Variants in SLC37A1 observed in about 807,000 individuals in gnomAD.
SLC37A1 encodes the protein glucose-6-phosphate exchanger SLC37A1.
A neutral mutation model predicts 75.3 loss-of-function variants in SLC37A1; 49 were observed. That is an observed-to-expected ratio of 0.65 (90% CI 0.52 to 0.83). The LOEUF is 0.83. Among genes scored for constraint, SLC37A1 ranks in the 40% least tolerant of loss-of-function variants. The pLI is 0.00. For missense variants in SLC37A1, 566 were observed against 695.0 expected (o/e 0.81, Z 2.09); for synonymous variants, 268 against 292.1 (o/e 0.92, Z 0.84).
chr21:42,532,848 C>T (rs2055025132), intron 3 of SLC37A1, among the ~76,000 whole-genome samples: 1 of 152,194 alleles, frequency 6.6e-6, no homozygotes, highest in Non-Finnish European at 1.5e-5. Flanking sequence ...AGCTGCTGGG[C>T]AGATGATGAC....
Position 42,563,990 on chromosome 21 carries a change from G to A in SLC37A1, c.1135+113G>A, listed in dbSNP as rs543673922. On this transcript the variant is annotated intron_variant, in intron 13 of 19. Coordinates refer to ENST00000352133, the MANE Select transcript of SLC37A1 (RefSeq NM_001320537.2). ...TTCCCCAAGGTCTCATATCCCCTGA[G>A]TGGGCCCAGCCCAAGAGGGTCAGGC... 49 of 1,238,078 alleles carry A rather than the reference G, an allele frequency of 4.0e-5. No individual in the cohort carries two copies. In the South Asian group the frequency reaches 5.9e-4, roughly 15 times the overall value. 76.7% of individuals were successfully genotyped at this position (1,238,078 alleles called of 1,614,324 possible).
intron 17 of SLC37A1, among the ~76,000 whole-genome samples, chr21:42,569,423 G>A (rs1331111513): frequency 1.3e-5 from 2 of 152,182 alleles, no homozygotes; most frequent in East Asian, 3.9e-4. Flanking sequence ...GGCCAGGCTG[G>A]CCCCCGTGCG....
At position 42,580,655 on chromosome 21, in the gene SLC37A1, G is replaced by C. The variant is rs2056406133; in HGVS notation, c.*295G>C. ...CGTGTGCCCATGCAGCCACCCAAAT[G>C]CACGCGTGACAACAAGGCCGGGAGG... On this transcript the variant is annotated 3_prime_UTR_variant, in exon 20 of 20. Coordinates refer to ENST00000352133, the MANE Select transcript of SLC37A1 (RefSeq NM_001320537.2). The C allele has an allele frequency of 3.9e-6, 1 of 256,990 alleles. No homozygotes were observed. Among genetic ancestry groups the C allele is most frequent in the South Asian group, 3.6e-5 (1 of 27,546 alleles). The allele number at this position is 256,990 out of a possible 1,614,324, so 15.9% of individuals were successfully genotyped here.
chr21:42,575,521 A>C (rs1601787551), intron 18 of SLC37A1: 1 of 985,380 alleles, frequency 1.0e-6, no homozygotes. Context: ...TGTGTTGAGA[A>C]AGTTTGAGGT....
chr21:42,565,515 A>G (rs1409607625), intron 14 of SLC37A1, among the ~76,000 whole-genome samples: 1 of 152,198 alleles, frequency 6.6e-6, no homozygotes, highest in Non-Finnish European at 1.5e-5. Flanking sequence ...CTCGCAAATC[A>G]GGAGCTCAAG....
At chr21:42,534,621 G>A (rs917546810) in intron 3 of SLC37A1, 77 bp from the exon 4 acceptor site, 223 of 1,518,806 alleles carry the variant, frequency 1.5e-4, no homozygotes, top group Non-Finnish European at 1.9e-4. Context: ...AGGGGTGACT[G>A]TTCCTCTCTG....
intron 2 of SLC37A1, among the ~76,000 whole-genome samples, chr21:42,503,950 G>A (rs951199049): frequency 5.9e-5 from 9 of 152,156 alleles, no homozygotes; most frequent in Non-Finnish European, 8.8e-5. Flanking sequence ...AACCACATCC[G>A]GGTGGTACTA....
Position 42,574,707 on chromosome 21 carries a change from T to C in SLC37A1, c.1424-111T>C, listed in dbSNP as rs143064484. 6.1e-4 allele frequency: 590 copies of C among 974,078 alleles called. 1 individual carries two copies. The highest frequency in any genetic ancestry group is 8.6e-4 in the Non-Finnish European group (553 of 643,184). The allele number at this position is 974,078 out of a possible 1,614,324, so 60.3% of individuals were successfully genotyped here. ...CAGGATGAGGTAGTGTAGTTCCATA[T>C]GTGTTCCTTTCATTGTGAGTGAGGT... On this transcript the variant is annotated intron_variant, in intron 17 of 19. Coordinates refer to ENST00000352133, the MANE Select transcript of SLC37A1 (RefSeq NM_001320537.2).
At chr21:42,506,394 T>C (rs1247676350) in intron 2 of SLC37A1, among the ~76,000 whole-genome samples, 1 of 152,234 alleles carries the variant, frequency 6.6e-6, no homozygotes, top group African/African-American at 2.4e-5. Context: ...CAGCTCCTGA[T>C]ATGAATCCTA....
At chr21:42,530,654 A>ACACACACATACCCCCC (rs1161313598) in intron 3 of SLC37A1, among the ~76,000 whole-genome samples, 1 of 35,880 alleles carries the variant, frequency 2.8e-5, no homozygotes, top group Non-Finnish European at 5.2e-5. Context: ...ACACACACAC[A>ACACACACATACCCCCC]CCCCCTCTGT....
In SLC37A1 at chr21:42,564,697, C is replaced by G. The variant is rs376836158; in HGVS notation, c.1136-11C>G. 3.7e-5 allele frequency: 60 copies of G among 1,609,896 alleles called. No homozygotes were observed. Among genetic ancestry groups the G allele is most frequent in the Non-Finnish European group, 5.0e-5 (59 of 1,179,036 alleles). On this transcript the variant is annotated splice_polypyrimidine_tract_variant and intron_variant, in intron 13 of 19. Transcript: ENST00000352133. ...GGACGTCAGTGCCTGAAGCCCGCCT[C>G]TCCGTTGCAGGTGGGATCCTGGCAG...
At chr21:42,501,262 A>G (rs1482225986) in intron 1 of SLC37A1, among the ~76,000 whole-genome samples, 1 of 152,204 alleles carries the variant, frequency 6.6e-6, no homozygotes. Flanking sequence ...TTTATTCTTA[A>G]ATCACACTCC....
chr21:42,580,133 C>T (rs971094184), intron 19 of SLC37A1, among the ~76,000 whole-genome samples: 3 of 151,974 alleles, frequency 2.0e-5, no homozygotes, highest in Admixed American at 2.0e-4. Context: ...TCCTCCCTCG[C>T]TCCCTTCTCA....
At chr21:42,512,722 C>G (rs2054449605), upstream of SLC37A1, among the ~76,000 whole-genome samples, 1 of 152,252 alleles carries the variant, frequency 6.6e-6, no homozygotes, top group Non-Finnish European at 1.5e-5. Context: ...CCCTGCGTGG[C>G]AAAGAAGTGG....
intron 11 of SLC37A1, among the ~76,000 whole-genome samples, chr21:42,560,843 A>G (rs2055811474): frequency 6.6e-6 from 1 of 152,244 alleles, no homozygotes; most frequent in Admixed American, 6.5e-5. Context: ...TAGGGTGCAC[A>G]CTAGCATAAA....
At chr21:42,557,393 C>T (rs922812868) in intron 10 of SLC37A1, among the ~76,000 whole-genome samples, 3 of 152,232 alleles carry the variant, frequency 2.0e-5, no homozygotes, top group Admixed American at 6.5e-5. Context: ...CTAAACTGGA[C>T]GATTAGCAGA....
intron 2 of SLC37A1, among the ~76,000 whole-genome samples, chr21:42,523,607 A>C (rs1022964813): frequency 6.6e-6 from 1 of 152,286 alleles, no homozygotes; most frequent in Non-Finnish European, 1.5e-5. Context: ...CTGTACCCAC[A>C]TAGCCTTTGT....
intron 18 of SLC37A1, among the ~76,000 whole-genome samples, chr21:42,577,704 G>T (rs560148070): frequency 6.6e-6 from 1 of 152,246 alleles, no homozygotes; most frequent in Non-Finnish European, 1.5e-5. Context: ...AATGATCCCA[G>T]CATGCCAGCA....
intron 2 of SLC37A1, among the ~76,000 whole-genome samples, chr21:42,522,041 C>G (rs539184331): frequency 1.3e-5 from 2 of 152,326 alleles, no homozygotes; most frequent in South Asian, 2.1e-4. Context: ...TGGCTGGTGG[C>G]TGCATCACAC....
Sources: gnomAD v4.1 joint callset for allele counts (sites outside exome capture counted in the v4.1 genomes callset) on GRCh38, gnomAD v4.1.1 for gene constraint, MANE v1.5 for transcripts, NCBI Gene and HGNC (gene_info 2026-07-23, HGNC 2026-07-21) for gene names.